MAPK10: variants seen among roughly 807,000 people sequenced by gnomAD.
The protein encoded by MAPK10 is JNK3 alpha protein kinase.
A neutral mutation model predicts 59.3 loss-of-function variants in MAPK10; 25 were observed. That is an observed-to-expected ratio of 0.42 (90% confidence interval 0.31 to 0.59). The LOEUF (loss-of-function observed/expected upper bound fraction) is 0.59, where lower values mean the gene tolerates loss of function less well. MAPK10 is among the 20% of genes least tolerant of loss of function. The pLI is 0.15. For synonymous variants in MAPK10, 190 were observed against 200.5 expected, an observed-to-expected ratio of 0.95 and a Z score of 0.44; for missense variants, 351 against 568.9, an observed-to-expected ratio of 0.62 and a Z score of 3.90.
At chr4:86,368,516 A>C (rs924428411) in intron 1 of MAPK10, among the ~76,000 whole-genome samples, 2 of 152,176 alleles carry the variant, frequency 1.3e-5, no homozygotes, top group Non-Finnish European at 2.9e-5. Flanking sequence ...AATTGTGTTC[A>C]CATCAAACAA....
intron 11 of MAPK10, among the ~76,000 whole-genome samples, chr4:86,054,523 G>A (rs2044174279): frequency 6.6e-6 from 1 of 152,108 alleles, no homozygotes; most frequent in Non-Finnish European, 1.5e-5. Flanking sequence ...ATGAACAGAT[G>A]GAAATTTAGA....
intron 4 of MAPK10, among the ~76,000 whole-genome samples, chr4:86,113,836 C>T (rs752880363): frequency 3.6e-4 from 55 of 152,306 alleles, no homozygotes; most frequent in Admixed American, 3.5e-3. Context: ...CTCCTCATCT[C>T]TTTCAGATGC....
At chr4:86,166,609 C>A (rs1256778565) in intron 3 of MAPK10, among the ~76,000 whole-genome samples, 2 of 152,100 alleles carry the variant, frequency 1.3e-5, no homozygotes, top group Non-Finnish European at 2.9e-5. Context: ...CCACAAAGAA[C>A]CAACAGAGTT....
At chr4:86,240,011 T>C (rs1266666287) in intron 2 of MAPK10, among the ~76,000 whole-genome samples, 5 of 152,194 alleles carry the variant, frequency 3.3e-5, no homozygotes, top group Non-Finnish European at 7.4e-5. Flanking sequence ...TCCTTAACAC[T>C]GCTTTAGCTG....
intron 13 of MAPK10, chr4:86,028,390 T>C (rs990017447): frequency 6.6e-6 from 1 of 152,190 alleles, no homozygotes; most frequent in African/African-American, 2.4e-5. Flanking sequence ...GTAAATTAGT[T>C]ATTCGAAGAG....
At chr4:86,236,173 A>G (rs2092206655) in intron 2 of MAPK10, among the ~76,000 whole-genome samples, 1 of 152,054 alleles carries the variant, frequency 6.6e-6, no homozygotes, top group Non-Finnish European at 1.5e-5. Context: ...TCCCTCTTAT[A>G]ATGACCCTTG....
intron 1 of MAPK10, among the ~76,000 whole-genome samples, chr4:86,505,755 C>G (rs1755694927): frequency 6.6e-6 from 1 of 152,122 alleles, no homozygotes; most frequent in African/African-American, 2.4e-5. Flanking sequence ...TATGAAGGCA[C>G]TGAATTAGCC....
intron 11 of MAPK10, among the ~76,000 whole-genome samples, chr4:86,032,751 A>T (rs2039337778): frequency 6.6e-6 from 1 of 152,146 alleles, no homozygotes; most frequent in South Asian, 2.1e-4. Context: ...GGGGCCTCAC[A>T]TCCTGCAAAG....
chr4:86,086,569 A>T (rs2051916007), intron 9 of MAPK10, among the ~76,000 whole-genome samples: 1 of 152,126 alleles, frequency 6.6e-6, no homozygotes, highest in African/African-American at 2.4e-5. Flanking sequence ...AAAAAAAGTC[A>T]TGCATAGCTC....
intron 1 of MAPK10, among the ~76,000 whole-genome samples, chr4:86,549,786 A>T (rs990039043): frequency 6.6e-6 from 1 of 152,152 alleles, no homozygotes; most frequent in Admixed American, 6.5e-5. Flanking sequence ...TTGAGGTTAT[A>T]GTGAGCTATG....
At chr4:86,471,397 G>T (rs1752654559) in intron 1 of MAPK10, among the ~76,000 whole-genome samples, 1 of 151,702 alleles carries the variant, frequency 6.6e-6, no homozygotes, top group Admixed American at 6.6e-5. Context: ...TTAAACTGAT[G>T]TATTCTTACA....
At chr4:86,543,162 G>T (rs902483877) in intron 1 of MAPK10, among the ~76,000 whole-genome samples, 3 of 152,134 alleles carry the variant, frequency 2.0e-5, no homozygotes, top group East Asian at 1.9e-4. Context: ...CCGTCCAGGT[G>T]GGGGGACTTA....
At chr4:86,586,014 G>T (rs186735110) in intron 1 of MAPK10, among the ~76,000 whole-genome samples, 1 of 152,204 alleles carries the variant, frequency 6.6e-6, no homozygotes, top group Non-Finnish European at 1.5e-5. Flanking sequence ...TTCTGTCTTG[G>T]TCTTCATTTC....
At chr4:86,568,741 T>C (rs765386038) in intron 1 of MAPK10, among the ~76,000 whole-genome samples, 13 of 152,102 alleles carry the variant, frequency 8.5e-5, no homozygotes, top group South Asian at 2.1e-4. Context: ...TAAAGAGCAA[T>C]ATGCAGAAGA....
At chr4:86,488,973 T>G (rs1431705269) in intron 1 of MAPK10, among the ~76,000 whole-genome samples, 1 of 152,212 alleles carries the variant, frequency 6.6e-6, no homozygotes, top group African/African-American at 2.4e-5. Context: ...TGTTTGCGCA[T>G]TCGGGCTTGT....
intron 6 of MAPK10, 87 bp downstream of exon 6, chr4:86,103,099 G>GTGTGTGTT: frequency 1.3e-6 from 1 of 776,482 alleles, no homozygotes; most frequent in Non-Finnish European, 2.3e-6. Flanking sequence ...GTGTGTGTGT[G>GTGTGTGTT]TGTGTGTGTG....
intron 1 of MAPK10, among the ~76,000 whole-genome samples, chr4:86,517,377 G>C (rs1013864259): frequency 6.9e-6 from 1 of 144,310 alleles, no homozygotes; most frequent in African/African-American, 2.5e-5. Context: ...CCGGGTTCAC[G>C]CCATTCTCCT....
intron 1 of MAPK10, among the ~76,000 whole-genome samples, chr4:86,403,519 T>TCA (rs1181539803): frequency 1.3e-4 from 19 of 151,614 alleles, no homozygotes; most frequent in South Asian, 6.3e-4. Context: ...AGAGAGTCTG[T>TCA]CACACACACA....
At chr4:86,346,198 A>T (rs147460095) in intron 2 of MAPK10, among the ~76,000 whole-genome samples, 4 of 152,306 alleles carry the variant, frequency 2.6e-5, no homozygotes, top group Admixed American at 2.6e-4. Flanking sequence ...GGATAGTCAA[A>T]CAAACATATG....
Sources: allele counts gnomAD v4.1 joint callset (sites outside exome capture counted in the v4.1 genomes callset), GRCh38; gene constraint gnomAD v4.1.1; transcripts MANE v1.5; gene names NCBI Gene and HGNC (gene_info 2026-07-23, HGNC 2026-07-21).